Variants in COMMD1 observed in about 807,000 individuals in gnomAD.
COMMD1 encodes the protein copper metabolism domain containing 1, also known as COMM domain-containing protein 1.
COMMD1 carries 10 observed loss-of-function variants against 17.2 expected under a neutral mutation model. The ratio of observed to expected loss-of-function variants is 0.58; its 90% CI spans 0.36 to 0.99. COMMD1 has a LOEUF of 0.99. COMMD1 is among the 50% of genes least tolerant of loss of function. The probability of loss-of-function intolerance (pLI) is 0.01; values close to 1 mark genes in which losing one functional copy is unlikely to be tolerated. For synonymous variants in COMMD1, 97 were observed against 91.6 expected (o/e 1.06, Z -0.34); for missense variants, 270 against 231.8 (o/e 1.17, Z -1.07).
At chr2:61,902,823 C>T (rs113167346), upstream of COMMD1, among the ~76,000 whole-genome samples, 2,830 of 152,090 alleles carry the variant, frequency 0.019, 46 homozygotes, top group Non-Finnish European at 0.027. Flanking sequence ...CCAGCCTGGG[C>T]AACAGAGTGA....
intron 1 of COMMD1, among the ~76,000 whole-genome samples, chr2:61,982,712 G>GT (rs968908606): frequency 8.6e-5 from 13 of 151,528 alleles, no homozygotes; most frequent in South Asian, 4.2e-4. Context: ...CTCATCCCCG[G>GT]TTTTTTTTGA....
At chr2:62,093,694 T>C (rs1202615492) in intron 2 of COMMD1, among the ~76,000 whole-genome samples, 1 of 152,224 alleles carries the variant, frequency 6.6e-6, no homozygotes, top group African/African-American at 2.4e-5. Flanking sequence ...TCGAGTGTTA[T>C]CCTTTGAGTG....
chr2:61,971,013 A>G (rs915060647), intron 1 of COMMD1, among the ~76,000 whole-genome samples: 1 of 152,122 alleles, frequency 6.6e-6, no homozygotes, highest in African/African-American at 2.4e-5. Context: ...GGCTCAAGCA[A>G]TCCTTCCACC....
rs1671672546 is a variant in COMMD1, at chr2:61,972,336, C to T, written c.181-28365C>T. Among the ~76,000 whole-genome samples, 3 of 152,086 alleles carry T rather than the reference C, an allele frequency of 2.0e-5. No individual in the cohort carries two copies. The South Asian group carries it at 6.2e-4, about 32-fold the overall frequency. On this transcript the variant is annotated intron_variant, in intron 1 of 2. Transcript: ENST00000311832. ...TGGAGGTGGGAAACAAGACTCAGATCACTTTTGCTTGTTTTAATATATTAT... is the reference window on the plus strand; with the variant it reads ...TGGAGGTGGGAAACAAGACTCAGATTACTTTTGCTTGTTTTAATATATTAT...
At chr2:61,907,131 G>A (rs1241205330) in intron 1 of COMMD1, among the ~76,000 whole-genome samples, 1 of 151,966 alleles carries the variant, frequency 6.6e-6, no homozygotes, top group East Asian at 1.9e-4. Flanking sequence ...TTTTTGAGAC[G>A]AGTTTTGCTT....
chr2:61,930,150 A>G (rs746971163), intron 1 of COMMD1, among the ~76,000 whole-genome samples: 1 of 152,208 alleles, frequency 6.6e-6, no homozygotes, highest in African/African-American at 2.4e-5. Context: ...CTGCCAGGAC[A>G]GTCAGTCTTT....
chr2:61,925,569 C>T (rs1670310195), intron 1 of COMMD1, among the ~76,000 whole-genome samples: 1 of 152,126 alleles, frequency 6.6e-6, no homozygotes. Flanking sequence ...GTTTGCTTAT[C>T]GCAGCAAGGT....
intron 1 of COMMD1, among the ~76,000 whole-genome samples, chr2:61,930,542 C>A (rs1670435264): frequency 6.6e-6 from 1 of 151,052 alleles, no homozygotes. Context: ...GGTGACAGAG[C>A]AAGACTCCGT....
At chr2:62,054,104 C>T (rs763676587) in intron 2 of COMMD1, among the ~76,000 whole-genome samples, 1 of 152,098 alleles carries the variant, frequency 6.6e-6, no homozygotes, top group African/African-American at 2.4e-5. Context: ...GAAAAAAATG[C>T]TGAACATTAC....
intron 2 of COMMD1, among the ~76,000 whole-genome samples, chr2:62,066,012 T>C (rs1208817089): frequency 6.6e-6 from 1 of 152,148 alleles, no homozygotes; most frequent in East Asian, 1.9e-4. Flanking sequence ...GTCTTTCCAC[T>C]TAGCACCCTA....
At chr2:62,055,077 A>G (rs1257113986) in intron 2 of COMMD1, among the ~76,000 whole-genome samples, 2 of 152,190 alleles carry the variant, frequency 1.3e-5, no homozygotes, top group Admixed American at 6.5e-5. Context: ...TTGCTTGCAT[A>G]CTCATATCAA....
intron 2 of COMMD1, among the ~76,000 whole-genome samples, chr2:62,115,056 GAC>G (rs1468491891): frequency 6.6e-6 from 1 of 152,164 alleles, no homozygotes; most frequent in African/African-American, 2.4e-5. Flanking sequence ...AGAGGTGTAA[GAC>G]ACAGTTTTAC....
At chr2:62,049,353 C>G (rs993349259) in intron 2 of COMMD1, among the ~76,000 whole-genome samples, 5 of 151,938 alleles carry the variant, frequency 3.3e-5, no homozygotes, top group Non-Finnish European at 7.4e-5. Flanking sequence ...TTGGCAGGCC[C>G]CCTTTCAGAT....
At chr2:62,063,090 G>C (rs983534710) in intron 2 of COMMD1, among the ~76,000 whole-genome samples, 2 of 151,944 alleles carry the variant, frequency 1.3e-5, no homozygotes, top group African/African-American at 4.8e-5. Context: ...GGTGGCAGGT[G>C]CCTGTAATCC....
intron 1 of COMMD1, among the ~76,000 whole-genome samples, chr2:61,979,779 G>A (rs531455245): frequency 1.4e-4 from 21 of 149,874 alleles, no homozygotes; most frequent in Non-Finnish European, 2.8e-4. Context: ...CTAAGTTTTA[G>A]GGTACATGTG....
At chr2:61,959,871 C>T (rs2103691374) in intron 1 of COMMD1, among the ~76,000 whole-genome samples, 1 of 152,344 alleles carries the variant, frequency 6.6e-6, no homozygotes, top group South Asian at 2.1e-4. Context: ...GACACGTCTA[C>T]CCTACTGCTG....
chr2:61,910,129 A>G (rs1669866661), intron 1 of COMMD1, among the ~76,000 whole-genome samples: 1 of 152,068 alleles, frequency 6.6e-6, no homozygotes, highest in Non-Finnish European at 1.5e-5. Flanking sequence ...TTTTGGGTAG[A>G]CCCTAAGGAA....
chr2:61,888,559 T>A (rs754381518), upstream of COMMD1: 2 of 1,586,144 alleles, frequency 1.3e-6, no homozygotes, highest in South Asian at 2.2e-5. Context: ...TGGACCCGGA[T>A]TCTGGCCGGC....
Position 62,135,843 on chromosome 2 carries a change from C to A in COMMD1, c.475C>A (p.Leu159Met), listed in dbSNP as rs1673178044. ...TTATGTTTTCCAGGAATCTGAATTT[C>A]TGTGTTTGGAATTTGATGAGGTCAA... ...LGKYGQESEF[L>M]CLEFDEVKVN... Residue 159 changes from leucine to methionine, a missense_variant, in exon 3 of 3, where the codon CTG (leucine) becomes ATG (methionine). Physicochemically the swap from Leu to Met is conservative, Grantham distance 15. Transcript: ENST00000311832. 1.9e-6 allele frequency: 3 copies of A among 1,543,266 alleles called. No individual in the cohort carries two copies. The highest frequency in any genetic ancestry group is 2.7e-6 in the Non-Finnish European group (3 of 1,115,046).
Sources: allele counts gnomAD v4.1 joint callset (sites outside exome capture counted in the v4.1 genomes callset), GRCh38; gene constraint gnomAD v4.1.1; transcripts MANE v1.5; gene names NCBI Gene and HGNC (gene_info 2026-07-23, HGNC 2026-07-21).